Variants in ASCC2 observed in about 807,000 individuals in gnomAD.
ASCC2 encodes activating signal cointegrator 1 complex subunit 2.
Under a neutral mutation model 93.5 loss-of-function variants are expected in ASCC2, and 42 were observed. The ratio of observed to expected loss-of-function variants is 0.45; its 90% CI spans 0.35 to 0.58. ASCC2 has a LOEUF of 0.58. ASCC2 is among the 20% of genes least tolerant of loss of function. The pLI, the probability that ASCC2 is intolerant of heterozygous loss-of-function variation, is 0.00. For missense variants in ASCC2, 859 were observed against 977.6 expected (o/e 0.88, Z 1.62); for synonymous variants, 364 against 384.2 (o/e 0.95, Z 0.62).
At chr22:29,820,735 G>A (rs907158917) in intron 5 of ASCC2, among the ~76,000 whole-genome samples, 3 of 151,776 alleles carry the variant, frequency 2.0e-5, no homozygotes, top group Non-Finnish European at 4.4e-5. Flanking sequence ...GGGAGTTCGA[G>A]ACCAGCCTGA....
chr22:29,808,322 T>C (rs2059917782), intron 8 of ASCC2, 137 bp from the exon 9 acceptor site: 1 of 854,300 alleles, frequency 1.2e-6, no homozygotes, highest in East Asian at 2.7e-5. Context: ...CCCTTGGTTC[T>C]TCCCTGAGCT....
At chr22:29,813,629 G>T in intron 7 of ASCC2, 87 bp from the exon 8 acceptor site, 1 of 909,076 alleles carries the variant, frequency 1.1e-6, no homozygotes, top group East Asian at 2.6e-5. Flanking sequence ...AAAACAGTCA[G>T]GGTCCCAAAC....
rs939422530 is a variant in ASCC2, at chr22:29,825,892, G to A, written c.82-112C>T. On this transcript the variant is annotated intron_variant, in intron 2 of 19. Transcript: ENST00000307790. The surrounding 1 kb of genome is among the most constrained non-coding windows in gnomAD (Gnocchi z 4.9). Reference sequence around the variant, plus strand: ...CTGTTCCAACCGGTGACCCTCCAAGGAGCTTTTAAGCATAAAGAACCAAGT... The same window carrying A: ...CTGTTCCAACCGGTGACCCTCCAAGAAGCTTTTAAGCATAAAGAACCAAGT... 2.0e-5 allele frequency: 26 copies of A among 1,290,272 alleles called. No homozygotes were observed. Among genetic ancestry groups the A allele is most frequent in the Non-Finnish European group, 2.4e-5 (22 of 930,196 alleles). The allele number at this position is 1,290,272 out of a possible 1,614,324, so 79.9% of individuals were successfully genotyped here.
chr22:29,824,523 G>A (rs1232715485), intron 4 of ASCC2, among the ~76,000 whole-genome samples: 6 of 152,016 alleles, frequency 3.9e-5, no homozygotes. Context: ...GCTGAGATGG[G>A]AGGATCACTT....
rs775309829 is a variant in ASCC2, at chr22:29,802,017, G to C, written c.1545C>G (p.Ser515Arg). The change falls in exon 14 of 20, where the codon AGC becomes AGG. Residue 515 changes from serine (S) to arginine (R), a missense_variant. Physicochemically the swap from Ser to Arg is moderately radical, Grantham distance 110. Transcript: ENST00000307790. ...ACCTGTCTAGGTTGCGGTCCAGCTG[G>C]CTGAGGGTGGGGGCCAGCCGCTCCT... is the stretch of plus-strand genomic sequence containing the variant. ...ILEERLAPTLSQLDRNLDREM... is the reference protein window; with the variant it reads ...ILEERLAPTLRQLDRNLDREM... The C allele has an allele frequency of 1.2e-6, 2 of 1,604,216 alleles. No individual in the cohort carries two copies. The highest frequency in any genetic ancestry group is 2.2e-5 in the South Asian group (2 of 89,710).
intron 9 of ASCC2, 76 bp downstream of exon 9, chr22:29,808,029 GATGCTA>G (rs2059880554): frequency 5.7e-6 from 8 of 1,405,178 alleles, no homozygotes; most frequent in Non-Finnish European, 8.0e-6. Context: ...TAGAGATAGG[GATGCTA>G]ATGCCCAGGG....
chr22:29,793,820 C>G (rs1008898703), intron 15 of ASCC2, 144 bp from the exon 16 acceptor site: 127 of 576,290 alleles, frequency 2.2e-4, no homozygotes, highest in East Asian at 6.1e-4. Flanking sequence ...TTGGTGAGGG[C>G]GTGGGAGGGT....
intron 15 of ASCC2, among the ~76,000 whole-genome samples, chr22:29,794,128 C>T (rs2058123648): frequency 6.6e-6 from 1 of 151,602 alleles, no homozygotes; most frequent in Non-Finnish European, 1.5e-5. Flanking sequence ...CAAGTGATCC[C>T]CCCACCTCAG....
intron 10 of ASCC2, 66 bp downstream of exon 10, chr22:29,806,731 T>C: frequency 6.7e-7 from 1 of 1,499,028 alleles, no homozygotes; most frequent in African/African-American, 1.4e-5. Flanking sequence ...GATGAAATAA[T>C]GGAAACGCTC....
intron 1 of ASCC2, among the ~76,000 whole-genome samples, chr22:29,835,883 T>G (rs917216053): frequency 1.3e-5 from 2 of 152,084 alleles, no homozygotes; most frequent in Non-Finnish European, 2.9e-5. Context: ...AACTACAGTA[T>G]AGTAGAGAAA....
chr22:29,804,541 A>G (rs775408740), intron 13 of ASCC2, 97 bp downstream of exon 13: 26 of 1,479,636 alleles, frequency 1.8e-5, no homozygotes, highest in Non-Finnish European at 2.4e-5. Flanking sequence ...TTCCCTGAGT[A>G]TAAAAGCAAA....
chr22:29,820,913 CAA>C (rs376815823), intron 5 of ASCC2, among the ~76,000 whole-genome samples: 16,283 of 69,156 alleles, frequency 0.24, 1,606 homozygotes, highest in African/African-American at 0.4. Context: ...TCTCAATACA[CAA>C]AAAAAAAAAA....
intron 5 of ASCC2, among the ~76,000 whole-genome samples, chr22:29,817,912 T>C (rs1000262746): frequency 2.0e-5 from 3 of 152,168 alleles, no homozygotes; most frequent in African/African-American, 7.2e-5. Flanking sequence ...AGTAGATCAC[T>C]GCAGTCCACA....
intron 6 of ASCC2, chr22:29,815,166 G>A (rs893046707): frequency 1.4e-5 from 3 of 210,024 alleles, no homozygotes; most frequent in Admixed American, 6.4e-5. Flanking sequence ...GCAAGATGGT[G>A]TGTACCTGTA....
intron 15 of ASCC2, among the ~76,000 whole-genome samples, chr22:29,795,827 T>G (rs1163392987): frequency 6.6e-6 from 1 of 152,118 alleles, no homozygotes; most frequent in Non-Finnish European, 1.5e-5. Context: ...GGAATGTAGC[T>G]TCTAGCCCTG....
chr22:29,791,123 C>T (rs943362996), intron 18 of ASCC2, among the ~76,000 whole-genome samples: 10 of 152,276 alleles, frequency 6.6e-5, no homozygotes, highest in African/African-American at 2.2e-4. Flanking sequence ...CATCTGTAAT[C>T]CCAGCACTTT....
chr22:29,836,707 T>A (rs2063837105), intron 1 of ASCC2, among the ~76,000 whole-genome samples: 1 of 152,088 alleles, frequency 6.6e-6, no homozygotes, highest in Admixed American at 6.5e-5. Context: ...AATACAGGCA[T>A]ACGCCTGGCT....
Position 29,788,978 on chromosome 22 carries a change from G to C in ASCC2, c.*35C>G. ...ATGGGAGCACGGCCTGGTGAGTCTG[G>C]TGCCGCTGCCTCCCCACTGGCCCTG... On this transcript the variant is annotated 3_prime_UTR_variant, in exon 20 of 20. Coordinates refer to ENST00000307790, the MANE Select transcript of ASCC2 (RefSeq NM_032204.5). 1 of 1,613,366 alleles carries C rather than the reference G, an allele frequency of 6.2e-7. No individual in the cohort carries two copies. Among genetic ancestry groups the C allele is most frequent in the Non-Finnish European group, 8.5e-7 (1 of 1,179,376 alleles).
intron 18 of ASCC2, among the ~76,000 whole-genome samples, chr22:29,791,815 G>A (rs142292601): frequency 6.6e-6 from 1 of 152,150 alleles, no homozygotes; most frequent in African/African-American, 2.4e-5. Flanking sequence ...TTGCACCGAG[G>A]AGCCCCTGAG....
Sources: gnomAD v4.1 joint callset for allele counts (sites outside exome capture counted in the v4.1 genomes callset) on GRCh38, gnomAD v4.1.1 for gene constraint, Gnocchi (gnomAD v3.1) non-coding constraint, MANE v1.5 for transcripts, NCBI Gene and HGNC (gene_info 2026-07-23, HGNC 2026-07-21) for gene names.